GRM7: variants seen among roughly 807,000 people sequenced by gnomAD.
The protein encoded by GRM7 is metabotropic glutamate receptor 7.
In GRM7, 35 loss-of-function variants were observed where a neutral mutation model predicts 84.5. The ratio of observed to expected loss-of-function variants is 0.41; its 90% CI spans 0.32 to 0.55. GRM7 has a LOEUF of 0.55. Ranked by LOEUF, GRM7 falls within the 20% of genes least tolerant of loss-of-function variation. The probability of loss-of-function intolerance (pLI) is 0.19; values close to 1 mark genes in which losing one functional copy is unlikely to be tolerated. For synonymous variants in GRM7, 487 were observed against 455.1 expected (o/e 1.07, Z -0.89); for missense variants, 1,003 against 1,194.6 (o/e 0.84, Z 2.36).
Position 6,998,119 on chromosome 3 carries a change from C to CAAAAAAAAA in GRM7, c.519+136224_519+136232dup, listed in dbSNP as rs3063449. Among the ~76,000 whole-genome samples the CAAAAAAAAA allele has an allele frequency of 4.9e-4, 9 of 18,430 alleles. 1 individual carries two copies. The highest frequency in any genetic ancestry group is 7.3e-4 in the African/African-American group (4 of 5,462). The allele number at this position is 18,430 out of a possible 152,430, so 12.1% of individuals were successfully genotyped here. ...GGGCAAAAACAGCAAATCTCCATCT[C>CAAAAAAAAA]AAAAAAAAAAAAAAAAAAAAGCAGG... On this transcript the variant is annotated intron_variant, in intron 1 of 9. Transcript: ENST00000357716.
At chr3:7,651,714 G>A (rs1225792619) in intron 8 of GRM7, among the ~76,000 whole-genome samples, 1 of 152,208 alleles carries the variant, frequency 6.6e-6, no homozygotes, top group Non-Finnish European at 1.5e-5. Context: ...TAAGTAAGCA[G>A]CACTGTGGGG....
intron 8 of GRM7, among the ~76,000 whole-genome samples, chr3:7,620,411 T>C (rs1384320270): frequency 6.6e-6 from 1 of 152,096 alleles, no homozygotes; most frequent in Non-Finnish European, 1.5e-5. Flanking sequence ...GTTTTAGGAT[T>C]TTAGAAAGAT....
At chr3:7,252,697 T>TTTTTCTTTTCTTTTCTTG (rs1698041715) in intron 2 of GRM7, among the ~76,000 whole-genome samples, 1 of 151,500 alleles carries the variant, frequency 6.6e-6, no homozygotes, top group South Asian at 2.1e-4. Flanking sequence ...TTCTTTTCTT[T>TTTTTCTTTTCTTTTCTTG]TCTTTACTGT....
intron 7 of GRM7, among the ~76,000 whole-genome samples, chr3:7,529,080 ATCTG>A (rs1406630014): frequency 1.3e-5 from 2 of 152,076 alleles, no homozygotes; most frequent in African/African-American, 4.8e-5. Flanking sequence ...TTCTGCCTTG[ATCTG>A]TCTAATATTG....
At chr3:7,729,347 T>C (rs1702232075) in intron 9 of GRM7, among the ~76,000 whole-genome samples, 1 of 152,202 alleles carries the variant, frequency 6.6e-6, no homozygotes, top group Non-Finnish European at 1.5e-5. Context: ...CCTGTACTTT[T>C]GGTTGGTGGT....
intron 7 of GRM7, among the ~76,000 whole-genome samples, chr3:7,574,522 A>G (rs1394083270): frequency 1.3e-5 from 2 of 152,204 alleles, no homozygotes; most frequent in African/African-American, 2.4e-5. Flanking sequence ...GCACAAATCA[A>G]AGTTCAAAGG....
intron 1 of GRM7, among the ~76,000 whole-genome samples, chr3:7,127,741 A>T (rs1438372879): frequency 1.3e-5 from 2 of 152,170 alleles, no homozygotes; most frequent in African/African-American, 4.8e-5. Flanking sequence ...ATTGGTTTCA[A>T]ATCTAAAAGA....
intron 1 of GRM7, among the ~76,000 whole-genome samples, chr3:6,998,524 G>A (rs1694904654): frequency 6.6e-6 from 1 of 152,246 alleles, no homozygotes; most frequent in East Asian, 1.9e-4. Context: ...CAGTGCCCCA[G>A]TGGGGACTGA....
At chr3:7,538,698 C>T (rs958624394) in intron 7 of GRM7, among the ~76,000 whole-genome samples, 1 of 149,206 alleles carries the variant, frequency 6.7e-6, no homozygotes, top group South Asian at 2.1e-4. Flanking sequence ...TGTACCACAG[C>T]CACCAAAAAA....
At chr3:7,091,809 T>C (rs186383745) in intron 1 of GRM7, among the ~76,000 whole-genome samples, 19 of 150,774 alleles carry the variant, frequency 1.3e-4, no homozygotes, top group African/African-American at 4.7e-4. Flanking sequence ...CCCTGAATTA[T>C]ACAGTAGCTA....
At chr3:7,378,289 T>A (rs1694442626) in intron 4 of GRM7, among the ~76,000 whole-genome samples, 1 of 152,148 alleles carries the variant, frequency 6.6e-6, no homozygotes, top group Non-Finnish European at 1.5e-5. Context: ...GTCTGAAATT[T>A]GAAAGAAAAA....
At chr3:7,522,616 G>C (rs868617) in intron 7 of GRM7, among the ~76,000 whole-genome samples, 93,557 of 151,954 alleles carry the variant, frequency 0.62, 29,875 homozygotes, top group African/African-American at 0.8. Context: ...TGTCTACATC[G>C]CAAGACTTCC....
chr3:7,429,872 G>A (rs1257091366), intron 5 of GRM7, among the ~76,000 whole-genome samples: 1 of 152,100 alleles, frequency 6.6e-6, no homozygotes, highest in Non-Finnish European at 1.5e-5. Context: ...AGGGAAATAC[G>A]ATTTAAACAT....
intron 2 of GRM7, among the ~76,000 whole-genome samples, chr3:7,201,085 T>G (rs1443061418): frequency 2.0e-5 from 3 of 148,348 alleles, no homozygotes; most frequent in African/African-American, 7.5e-5. Context: ...TTCTCCTGCC[T>G]CAGCCTCCCG....
intron 5 of GRM7, among the ~76,000 whole-genome samples, chr3:7,428,734 G>A (rs1696710735): frequency 6.6e-6 from 1 of 152,068 alleles, no homozygotes; most frequent in Non-Finnish European, 1.5e-5. Context: ...GCTAGCACAG[G>A]CAGAACCCCC....
chr3:7,270,605 G>A lies in GRM7; in HGVS notation c.737-28079G>A, dbSNP rs189394000. ...GCTTTAAAAATGGCTTCCTGTCCCA[G>A]TTACATATTCTCATCCTCAAAGTGT... On this transcript the variant is annotated intron_variant, in intron 2 of 9. Transcript: ENST00000357716. Among the ~76,000 whole-genome samples, 111 of 152,222 alleles carry A rather than the reference G, an allele frequency of 7.3e-4. 1 individual carries two copies. The highest frequency in any genetic ancestry group is 6.8e-3 in the Middle Eastern group (2 of 294).
At chr3:7,544,868 G>A (rs1459966628) in intron 7 of GRM7, among the ~76,000 whole-genome samples, 1 of 152,108 alleles carries the variant, frequency 6.6e-6, no homozygotes, top group African/African-American at 2.4e-5. Context: ...CCTTGGAAGG[G>A]CATAAAGCAT....
chr3:7,085,013 C>T (rs1460113561), intron 1 of GRM7, among the ~76,000 whole-genome samples: 1 of 152,104 alleles, frequency 6.6e-6, no homozygotes, highest in African/African-American at 2.4e-5. Context: ...ACAAAGGTGT[C>T]ATGAGCATTT....
intron 2 of GRM7, among the ~76,000 whole-genome samples, chr3:7,202,964 G>C (rs1163273769): frequency 6.6e-6 from 1 of 152,166 alleles, no homozygotes; most frequent in East Asian, 1.9e-4. Flanking sequence ...TATTAATGGT[G>C]TACATATGAG....
Sources: allele counts gnomAD v4.1 joint callset (sites outside exome capture counted in the v4.1 genomes callset), GRCh38; gene constraint gnomAD v4.1.1; transcripts MANE v1.5; gene names NCBI Gene and HGNC (gene_info 2026-07-23, HGNC 2026-07-21).